WWC1: variants seen among roughly 807,000 people sequenced by gnomAD.
WWC1 encodes the protein WW and C2 domain containing 1, also known as protein KIBRA.
In WWC1, 55 loss-of-function variants were observed where a neutral mutation model predicts 138.4. That is an observed-to-expected ratio of 0.40 (90% CI 0.32 to 0.50). The LOEUF (loss-of-function observed/expected upper bound fraction) is 0.50. Ranked by LOEUF, WWC1 falls within the 20% of genes least tolerant of loss-of-function variation. WWC1 has a pLI of 0.72. For synonymous variants in WWC1, 524 were observed against 564.9 expected, an observed-to-expected ratio of 0.93 and a Z score of 1.03; for missense variants, 1,226 against 1,420.4, an observed-to-expected ratio of 0.86 and a Z score of 2.20.
chr5:168,441,341 T>C (rs556328083), intron 15 of WWC1, among the ~76,000 whole-genome samples: 4 of 152,330 alleles, frequency 2.6e-5, no homozygotes, highest in Admixed American at 1.3e-4. Context: ...GTAGATCTCT[T>C]TTGCAACAAT....
intron 6 of WWC1, among the ~76,000 whole-genome samples, chr5:168,407,869 T>A (rs188275429): frequency 7.2e-6 from 1 of 139,718 alleles, no homozygotes; most frequent in Admixed American, 7.0e-5. Flanking sequence ...TCTTCCCCCC[T>A]TTTTTTTTTA....
At chr5:168,408,703 G>C (rs758678618) in intron 7 of WWC1, 50 bp downstream of exon 7, 2 of 1,605,068 alleles carry the variant, frequency 1.2e-6, no homozygotes, top group East Asian at 4.5e-5. Flanking sequence ...ATGGCAGCTG[G>C]GAGGCTGCTG....
chr5:168,327,134 G>A (rs1772632063), intron 1 of WWC1, among the ~76,000 whole-genome samples: 1 of 152,068 alleles, frequency 6.6e-6, no homozygotes. Flanking sequence ...TCTTCCACAG[G>A]GCTTTCCAGA....
Position 168,455,448 on chromosome 5 carries a change from ATTTC to A in WWC1, c.2754_2757del (p.Leu919GlufsTer23). On this transcript the variant is annotated frameshift_variant, in exon 19 of 23. Coordinates refer to ENST00000265293, the MANE Select transcript of WWC1 (RefSeq NM_015238.3). LOFTEE classifies it high-confidence loss of function. The stretch of plus-strand genomic sequence containing the variant: ...GAGTGGGCACCCCGTCCCAGGGGCC[ATTTC>A]TTCGAGGGAGCACCATCATCCGCTC... 6.2e-7 allele frequency: 1 copy of A among 1,612,686 alleles called. No individual in the cohort carries two copies. Among genetic ancestry groups the A allele is most frequent in the Non-Finnish European group, 8.5e-7 (1 of 1,179,410 alleles).
chr5:168,293,225 C>G (rs1769226375), intron 1 of WWC1, among the ~76,000 whole-genome samples: 1 of 152,222 alleles, frequency 6.6e-6, no homozygotes, highest in African/African-American at 2.4e-5. Flanking sequence ...CATTCACCCT[C>G]TCCATGTATG....
rs145003784 is a variant in WWC1, at chr5:168,422,044, A to G, written c.1221A>G (p.Arg407=). 6.6e-4 allele frequency: 1,070 copies of G among 1,612,786 alleles called. No homozygotes were observed. The highest frequency in any genetic ancestry group is 1.1e-3 in the Admixed American group (64 of 59,978). Residue 407 remains arginine, a synonymous_variant, in exon 10 of 23, where the codon AGA becomes AGG. Coordinates refer to ENST00000265293, the MANE Select transcript of WWC1 (RefSeq NM_015238.3). ...KLNSKRNQLV[R]ELEEATRQVA... ...ACAGTAAGAGGAACCAGCTTGTGAG[A>G]GAACTGGAGGAAGCCACCCGGCAGG...
intron 1 of WWC1, among the ~76,000 whole-genome samples, chr5:168,306,122 G>A (rs940240823): frequency 5.3e-5 from 8 of 152,346 alleles, no homozygotes; most frequent in Middle Eastern, 3.4e-3. Context: ...AGATGGCCGG[G>A]TGCAGTGGCT....
intron 3 of WWC1, among the ~76,000 whole-genome samples, chr5:168,396,198 A>G (rs903362833): frequency 6.6e-6 from 1 of 152,216 alleles, no homozygotes; most frequent in African/African-American, 2.4e-5. Context: ...AGCCTGGTCA[A>G]TATGGTGAAA....
intron 1 of WWC1, among the ~76,000 whole-genome samples, chr5:168,309,638 T>A (rs1386998357): frequency 2.0e-5 from 3 of 152,148 alleles, no homozygotes; most frequent in Non-Finnish European, 4.4e-5. Flanking sequence ...CTATAGAAGC[T>A]TAGTGGAAAA....
chr5:168,336,587 A>AC (rs1406973675), intron 1 of WWC1, among the ~76,000 whole-genome samples: 6 of 151,108 alleles, frequency 4.0e-5, no homozygotes, highest in South Asian at 4.2e-4. Flanking sequence ...AAAAAAAAAA[A>AC]AAAAAAAACA....
intron 1 of WWC1, among the ~76,000 whole-genome samples, chr5:168,307,617 T>A (rs1433889886): frequency 9.1e-5 from 9 of 99,418 alleles, no homozygotes; most frequent in African/African-American, 1.2e-4. Flanking sequence ...TTTTTTTTTT[T>A]AAATTGAGAC....
rs376044345 is a variant in WWC1, at chr5:168,322,722, C to T, written c.119+30451C>T. On this transcript the variant is annotated intron_variant, in intron 1 of 22. Transcript: ENST00000265293. ...AGAGAAAAAGAATCAAGAGACAGGT[C>T]GGTCTGGACCAGGGTGGTTTGGTGC... Among the ~76,000 whole-genome samples, 45 of 152,290 alleles carry T rather than the reference C, an allele frequency of 3.0e-4. 1 individual carries two copies. Among genetic ancestry groups the T allele is most frequent in the Middle Eastern group, 3.4e-3 (1 of 294 alleles).
At chr5:168,465,732 A>T (rs1757238703) in intron 21 of WWC1, among the ~76,000 whole-genome samples, 1 of 151,020 alleles carries the variant, frequency 6.6e-6, no homozygotes. Flanking sequence ...TAATTTTTGT[A>T]TTTTTTGTAG....
rs552455906 is a variant in WWC1 at position 168,371,648 on chromosome 5, T to A, written c.229+115T>A. ...GCAGACTCTTGGAGCCAGATTGTATTTTGTTTTATATAGATTTAGATAGAA... is the reference window on the plus strand; with the variant it reads ...GCAGACTCTTGGAGCCAGATTGTATATTGTTTTATATAGATTTAGATAGAA... On this transcript the variant is annotated intron_variant, in intron 2 of 22. Coordinates refer to ENST00000265293, the MANE Select transcript of WWC1 (RefSeq NM_015238.3). 45 of 659,698 alleles carry A rather than the reference T, an allele frequency of 6.8e-5. No homozygotes were observed. The African/African-American group carries it at 7.5e-4, about 11-fold the overall frequency. The allele number at this position is 659,698 out of a possible 1,614,324, so 40.9% of individuals were successfully genotyped here. A position where few individuals can be genotyped will look rare whatever the true frequency, so the allele number is the denominator to read the frequency against.
At chr5:168,398,744 G>A (rs965446451) in intron 4 of WWC1, among the ~76,000 whole-genome samples, 2 of 152,170 alleles carry the variant, frequency 1.3e-5, no homozygotes, top group African/African-American at 4.8e-5. Flanking sequence ...GATGTGGGCT[G>A]GGGGTGAGGC....
rs555477841 is a variant in WWC1, at chr5:168,409,402, T to C, written c.868-520T>C. On this transcript the variant is annotated intron_variant, in intron 7 of 22. Transcript: ENST00000265293. ...AAAGAGGCTGTCCCTTCCTTCCCCA[T>C]ACCACCATGTGTCCAGCTACTAGCC... is the stretch of plus-strand genomic sequence containing the variant. Among the ~76,000 whole-genome samples, 4 of 152,302 alleles carry C rather than the reference T, an allele frequency of 2.6e-5. No individual in the cohort carries two copies. In the South Asian group the frequency reaches 8.3e-4, roughly 32 times the overall value.
intron 2 of WWC1, among the ~76,000 whole-genome samples, chr5:168,372,085 G>A (rs1001846173): frequency 8.6e-5 from 13 of 151,350 alleles, no homozygotes; most frequent in African/African-American, 1.9e-4. Flanking sequence ...GTGTGTGTGT[G>A]TGTGTGTGTC....
intron 1 of WWC1, among the ~76,000 whole-genome samples, chr5:168,351,234 C>T (rs1421569819): frequency 6.6e-6 from 1 of 151,904 alleles, no homozygotes; most frequent in African/African-American, 2.4e-5. Context: ...AGGAGCCTGG[C>T]AGAGGTTGGA....
At chr5:168,440,405 G>C (rs1234350632) in intron 15 of WWC1, among the ~76,000 whole-genome samples, 1 of 152,198 alleles carries the variant, frequency 6.6e-6, no homozygotes, top group Non-Finnish European at 1.5e-5. Flanking sequence ...CAGTGTAGTA[G>C]TTCCACTAAA....
Sources: gnomAD v4.1 joint callset for allele counts (sites outside exome capture counted in the v4.1 genomes callset) on GRCh38, gnomAD v4.1.1 for gene constraint, MANE v1.5 for transcripts, NCBI Gene and HGNC (gene_info 2026-07-23, HGNC 2026-07-21) for gene names.